Variants in DCLK1 observed in about 807,000 individuals in gnomAD.
The protein encoded by DCLK1 is serine/threonine-protein kinase DCLK1.
Under a neutral mutation model 86.2 loss-of-function variants are expected in DCLK1, and 16 were observed. That is an observed-to-expected ratio of 0.19 (90% CI 0.13 to 0.28). The LOEUF (loss-of-function observed/expected upper bound fraction) is 0.28. Ranked by LOEUF, DCLK1 falls within the 10% of genes least tolerant of loss-of-function variation. The pLI is 1.00. For synonymous variants in DCLK1, 369 were observed against 370.5 expected, an observed-to-expected ratio of 1.00 and a Z score of 0.05; for missense variants, 590 against 940.2, an observed-to-expected ratio of 0.63 and a Z score of 4.87.
chr13:36,024,127 C>G (rs1287811408), intron 3 of DCLK1, among the ~76,000 whole-genome samples: 1 of 151,718 alleles, frequency 6.6e-6, no homozygotes, highest in Non-Finnish European at 1.5e-5. Flanking sequence ...AACTCCTGAC[C>G]TCGTGATCCA....
At chr13:35,822,620 A>T (rs2087422450) in intron 11 of DCLK1, 109 bp downstream of exon 11, 1 of 1,484,422 alleles carries the variant, frequency 6.7e-7, no homozygotes, top group Non-Finnish European at 9.2e-7. Context: ...ACTGGAAATT[A>T]ACCTTTCAGG....
chr13:35,856,322 G>A (rs1245757422), intron 5 of DCLK1, among the ~76,000 whole-genome samples: 2 of 152,182 alleles, frequency 1.3e-5, no homozygotes, highest in Non-Finnish European at 2.9e-5. Flanking sequence ...TAAGGAAGGG[G>A]CTCAGAAATA....
chr13:36,099,038 G>C (rs963685233), intron 3 of DCLK1, among the ~76,000 whole-genome samples: 5 of 151,558 alleles, frequency 3.3e-5, no homozygotes, highest in Non-Finnish European at 7.4e-5. Flanking sequence ...CGCGATCAAA[G>C]CTCACTGCAA....
At chr13:36,063,913 A>G (rs1019386249) in intron 3 of DCLK1, among the ~76,000 whole-genome samples, 2 of 152,226 alleles carry the variant, frequency 1.3e-5, no homozygotes, top group Non-Finnish European at 2.9e-5. Flanking sequence ...TGGGATTGTC[A>G]TAAGAAATCT....
chr13:35,855,688 C>T (rs777797989), intron 5 of DCLK1: 1 of 1,392,932 alleles, frequency 7.2e-7, no homozygotes, highest in Admixed American at 2.6e-5. Context: ...TCAGCAGATG[C>T]CTTTTCTGCG....
intron 3 of DCLK1, among the ~76,000 whole-genome samples, chr13:35,981,653 A>C (rs1447671431): frequency 6.6e-6 from 1 of 152,180 alleles, no homozygotes; most frequent in Non-Finnish European, 1.5e-5. Context: ...ATAATCATCC[A>C]TTGTATTATA....
At position 35,796,522 on chromosome 13, in the gene DCLK1, A is replaced by G. The variant is rs1372131163; in HGVS notation, c.1945-3043T>C. Among the ~76,000 whole-genome samples the G allele has an allele frequency of 2.0e-5, 3 of 152,174 alleles. No homozygotes were observed. In the East Asian group the frequency reaches 5.8e-4, roughly 29 times the overall value. On this transcript the variant is annotated intron_variant, in intron 15 of 16. Transcript: ENST00000360631. The stretch of plus-strand genomic sequence containing the variant: ...AGGTGCGGGGGAGGGAAGTTAGAAG[A>G]GCACGGCAGGGCGAGGAAGGTGACA...
intron 16 of DCLK1, among the ~76,000 whole-genome samples, chr13:35,790,208 C>A (rs892525139): frequency 1.3e-5 from 2 of 152,146 alleles, no homozygotes; most frequent in Non-Finnish European, 2.9e-5. Context: ...AAAAACACTA[C>A]AATTCAGAAC....
At chr13:35,905,189 G>A (rs928003571) in intron 4 of DCLK1, among the ~76,000 whole-genome samples, 3 of 152,122 alleles carry the variant, frequency 2.0e-5, no homozygotes, top group Admixed American at 2.0e-4. Context: ...TTGCCTTGTG[G>A]TTAGTCAAAG....
chr13:35,804,296 A>ATT (rs71081286), intron 15 of DCLK1, among the ~76,000 whole-genome samples: 1 of 139,590 alleles, frequency 7.2e-6, no homozygotes, highest in Non-Finnish European at 1.6e-5. Flanking sequence ...ATGCCTAGCT[A>ATT]TTTTTTTTTT....
intron 3 of DCLK1, among the ~76,000 whole-genome samples, chr13:35,976,464 C>T (rs187679816): frequency 6.7e-6 from 1 of 150,296 alleles, no homozygotes; most frequent in African/African-American, 2.5e-5. Context: ...CCTGTGAACT[C>T]GAGGCAGAAT....
chr13:36,087,500 G>C (rs982743134), intron 3 of DCLK1, among the ~76,000 whole-genome samples: 5 of 152,160 alleles, frequency 3.3e-5, no homozygotes, highest in Admixed American at 6.5e-5. Flanking sequence ...ATCAATTTCT[G>C]AGTATCTCTT....
At chr13:36,110,152 A>T (rs562483620) in intron 3 of DCLK1, among the ~76,000 whole-genome samples, 34 of 152,310 alleles carry the variant, frequency 2.2e-4, no homozygotes, top group African/African-American at 7.7e-4. Flanking sequence ...GAGAAAATTC[A>T]ATATATGAAA....
chr13:35,983,194 C>T (rs1879747919), intron 3 of DCLK1, among the ~76,000 whole-genome samples: 1 of 152,078 alleles, frequency 6.6e-6, no homozygotes, highest in Admixed American at 6.5e-5. Context: ...GGTACCATAA[C>T]AGCTCACTGC....
At chr13:35,848,450 T>C (rs1208283223) in intron 6 of DCLK1, 1 of 985,218 alleles carries the variant, frequency 1.0e-6, no homozygotes, top group African/African-American at 1.7e-5. Context: ...ATATAGCCCC[T>C]GAACAGTCCT....
At chr13:35,794,452 G>A (rs141565015) in intron 15 of DCLK1, among the ~76,000 whole-genome samples, 6 of 152,204 alleles carry the variant, frequency 3.9e-5, no homozygotes, top group African/African-American at 1.2e-4. Flanking sequence ...GTAATTTCTT[G>A]GTTCCACCCA....
At chr13:35,849,307 A>C (rs1459829504) in intron 6 of DCLK1, 1 of 985,188 alleles carries the variant, frequency 1.0e-6, no homozygotes, top group Admixed American at 6.2e-5. Context: ...TGACAACTGA[A>C]TTTCTCTCCA....
At chr13:36,114,654 A>T (rs1885719728) in intron 2 of DCLK1, among the ~76,000 whole-genome samples, 1 of 152,252 alleles carries the variant, frequency 6.6e-6, no homozygotes, top group Non-Finnish European at 1.5e-5. Context: ...AAATCTATGT[A>T]TTAACTATTT....
intron 5 of DCLK1, among the ~76,000 whole-genome samples, chr13:35,861,539 A>G (rs1871381883): frequency 6.6e-6 from 1 of 152,166 alleles, no homozygotes; most frequent in African/African-American, 2.4e-5. Flanking sequence ...GCCATCTGGT[A>G]TTGCCCATTC....
Sources: gnomAD v4.1 joint callset for allele counts (sites outside exome capture counted in the v4.1 genomes callset) on GRCh38, gnomAD v4.1.1 for gene constraint, MANE v1.5 for transcripts, NCBI Gene and HGNC (gene_info 2026-07-23, HGNC 2026-07-21) for gene names.